The following EXTL3 variants were observed in gnomAD, a reference collection of about 807,000 sequenced individuals.
EXTL3 encodes the protein exostosin-like 3.
Under a neutral mutation model 69.3 loss-of-function variants are expected in EXTL3, and 27 were observed. The observed-to-expected ratio is 0.39, with a 90% confidence interval of 0.29 to 0.54. The LOEUF is 0.54. EXTL3 is among the 20% of genes least tolerant of loss of function. EXTL3 has a pLI of 0.69. For synonymous variants in EXTL3, 511 were observed against 499.4 expected (o/e 1.02, Z -0.31); for missense variants, 1,003 against 1,231.8 (o/e 0.81, Z 2.78).
intron 1 of EXTL3, among the ~76,000 whole-genome samples, chr8:28,682,468 A>C (rs1351545188): frequency 1.3e-5 from 2 of 151,808 alleles, no homozygotes; most frequent in African/African-American, 4.8e-5. Flanking sequence ...TTTGAGATGG[A>C]GTCTTGCTCT....
At chr8:28,702,987 G>T (rs1465746095) in intron 1 of EXTL3, among the ~76,000 whole-genome samples, 3 of 152,330 alleles carry the variant, frequency 2.0e-5, no homozygotes, top group African/African-American at 4.8e-5. Flanking sequence ...AGCCTTCTCA[G>T]CGACTTGCTA....
At chr8:28,686,333 CAAA>C (rs542892730) in intron 1 of EXTL3, among the ~76,000 whole-genome samples, 4 of 123,398 alleles carry the variant, frequency 3.2e-5, no homozygotes, top group Admixed American at 8.3e-5. Flanking sequence ...CTCTCTCTCT[CAAA>C]AAAAAAAAAA....
chr8:28,672,624 A>G (rs1464364152), intron 1 of EXTL3, among the ~76,000 whole-genome samples: 9 of 152,120 alleles, frequency 5.9e-5, no homozygotes, highest in Non-Finnish European at 1.3e-4. Flanking sequence ...TCCAAAACCG[A>G]CTAAATCAGA....
At chr8:28,708,426 C>CTTTTTTT (rs71549693) in intron 1 of EXTL3, among the ~76,000 whole-genome samples, 1 of 118,750 alleles carries the variant, frequency 8.4e-6, no homozygotes, top group Non-Finnish European at 1.8e-5. Context: ...TGGGAAGTGC[C>CTTTTTTT]TTTTTTTTTT....
chr8:28,669,143 C>A (rs1807246043), intron 1 of EXTL3, among the ~76,000 whole-genome samples: 1 of 152,198 alleles, frequency 6.6e-6, no homozygotes, highest in Non-Finnish European at 1.5e-5. Context: ...GGATTACAGG[C>A]ATAAGTCACT....
intron 1 of EXTL3, among the ~76,000 whole-genome samples, chr8:28,658,608 G>A (rs1407996316): frequency 6.6e-6 from 1 of 151,418 alleles, no homozygotes; most frequent in East Asian, 1.9e-4. Context: ...CTTTTTTTGA[G>A]CTCGCTCTGT....
chr8:28,654,329 T>C (rs995543917), intron 1 of EXTL3, among the ~76,000 whole-genome samples: 3 of 152,240 alleles, frequency 2.0e-5, no homozygotes, highest in Non-Finnish European at 4.4e-5. Context: ...TTGATTTCAT[T>C]GAGTTTACTC....
At chr8:28,670,745 C>G (rs570601838) in intron 1 of EXTL3, among the ~76,000 whole-genome samples, 1 of 152,162 alleles carries the variant, frequency 6.6e-6, no homozygotes, top group African/African-American at 2.4e-5. Context: ...CTCAGTCTCT[C>G]GATTCCAATG....
At chr8:28,732,456 G>C (rs1257642808) in intron 4 of EXTL3, among the ~76,000 whole-genome samples, 2 of 152,016 alleles carry the variant, frequency 1.3e-5, no homozygotes, top group African/African-American at 4.8e-5. Flanking sequence ...AGTGGTTTTA[G>C]TATATTCAGA....
chr8:28,639,514 C>T (rs1444967809), intron 1 of EXTL3, among the ~76,000 whole-genome samples: 3 of 152,214 alleles, frequency 2.0e-5, no homozygotes, highest in Non-Finnish European at 4.4e-5. Context: ...AAGCAAAACT[C>T]CGTGTTACGT....
upstream of EXTL3, among the ~76,000 whole-genome samples, chr8:28,618,294 C>G (rs1024023972): frequency 3.3e-5 from 5 of 151,636 alleles, no homozygotes; most frequent in African/African-American, 9.7e-5. Context: ...TGGTGAAACC[C>G]CATCTCTACT....
intron 1 of EXTL3, among the ~76,000 whole-genome samples, chr8:28,626,189 A>G (rs1002560214): frequency 1.3e-5 from 2 of 151,734 alleles, no homozygotes; most frequent in Non-Finnish European, 2.9e-5. Flanking sequence ...AAAAAAATTA[A>G]ACTAAAAAAA....
chr8:28,732,630 A>G (rs895112371), intron 4 of EXTL3, among the ~76,000 whole-genome samples: 4 of 152,194 alleles, frequency 2.6e-5, no homozygotes, highest in South Asian at 2.1e-4. Flanking sequence ...GACATCTTCT[A>G]TAAATAGAAC....
At chr8:28,705,424 A>C (rs1320559471) in intron 1 of EXTL3, among the ~76,000 whole-genome samples, 2 of 152,130 alleles carry the variant, frequency 1.3e-5, no homozygotes, top group African/African-American at 4.8e-5. Context: ...CCCGAGTCAT[A>C]AGCTGATTTA....
intron 1 of EXTL3, among the ~76,000 whole-genome samples, chr8:28,648,083 A>C (rs1263412294): frequency 5.9e-5 from 9 of 152,100 alleles, no homozygotes; most frequent in Non-Finnish European, 1.3e-4. Flanking sequence ...TGAATATTGG[A>C]TAATGGATTG....
intron 1 of EXTL3, among the ~76,000 whole-genome samples, chr8:28,670,207 T>TAAAAAAAAAAAAAA (rs1563442495): frequency 5.9e-4 from 2 of 3,380 alleles, no homozygotes; most frequent in African/African-American, 1.1e-3. Flanking sequence ...AGACTCTGTC[T>TAAAAAAAAAAAAAA]CAAAAAAAAA....
chr8:28,668,865 C>CTCTTATTTTTT (rs1193812924), intron 1 of EXTL3, among the ~76,000 whole-genome samples: 2 of 94,476 alleles, frequency 2.1e-5, no homozygotes, highest in African/African-American at 9.2e-5. Flanking sequence ...GATAGAATCT[C>CTCTTATTTTTT]TTTTTTTTTT....
Position 28,657,728 on chromosome 8 carries a change from C to T in EXTL3, c.-53+34918C>T, listed in dbSNP as rs549782785. On this transcript the variant is annotated intron_variant, in intron 1 of 6. Coordinates refer to the EXTL3 transcript ENST00000523149. ...GAAAGCACATCAAAGCATAAAGACC[C>T]GGGGGGAAAAAACCTACCCATTATT... Among the ~76,000 whole-genome samples, 13 of 151,834 alleles carry T rather than the reference C, an allele frequency of 8.6e-5. 1 individual carries two copies. Among genetic ancestry groups the T allele is most frequent in the African/African-American group, 2.7e-4 (11 of 41,416 alleles).
intron 1 of EXTL3, among the ~76,000 whole-genome samples, chr8:28,669,245 G>A (rs1040597276): frequency 2.6e-5 from 4 of 152,170 alleles, no homozygotes; most frequent in Non-Finnish European, 1.5e-5. Flanking sequence ...AATTCGCACT[G>A]CACTAACTAT....
Sources: allele counts gnomAD v4.1 joint callset (sites outside exome capture counted in the v4.1 genomes callset), GRCh38; gene constraint gnomAD v4.1.1; transcripts MANE v1.5; gene names NCBI Gene and HGNC (gene_info 2026-07-23, HGNC 2026-07-21).